Variants in RBFOX1 observed in about 807,000 individuals in gnomAD.
The protein encoded by RBFOX1 is RNA binding fox-1 homolog 1.
Under a neutral mutation model 57.7 loss-of-function variants are expected in RBFOX1, and 8 were observed. The observed-to-expected ratio is 0.14, with a 90% CI of 0.08 to 0.25. The LOEUF is 0.25. RBFOX1 is among the 10% of genes least tolerant of loss of function. RBFOX1 has a pLI of 1.00. For synonymous variants in RBFOX1, 326 were observed against 222.4 expected (o/e 1.47, Z -4.15); for missense variants, 611 against 548.5 (o/e 1.11, Z -1.14).
At chr16:6,869,721 C>A (rs1290560330) in intron 3 of RBFOX1, among the ~76,000 whole-genome samples, 1 of 152,154 alleles carries the variant, frequency 6.6e-6, no homozygotes, top group Non-Finnish European at 1.5e-5. Flanking sequence ...CCATGTGACT[C>A]TAGAGAACCG....
At chr16:7,265,974 T>TG (rs1327976976) in intron 4 of RBFOX1, among the ~76,000 whole-genome samples, 10 of 136,790 alleles carry the variant, frequency 7.3e-5, no homozygotes, top group Admixed American at 2.2e-4. Flanking sequence ...GTTTTTTTTT[T>TG]TTTTTTTTTT....
At chr16:5,855,143 T>C (rs1190803325) in intron 3 of RBFOX1, among the ~76,000 whole-genome samples, 4 of 152,204 alleles carry the variant, frequency 2.6e-5, no homozygotes, top group Non-Finnish European at 5.9e-5. Context: ...ATTAGATATA[T>C]AGTTTAGAAG....
intron 9 of RBFOX1, among the ~76,000 whole-genome samples, chr16:7,606,832 G>A (rs1426032331): frequency 2.0e-5 from 3 of 152,116 alleles, no homozygotes; most frequent in African/African-American, 7.2e-5. Context: ...GTATCTCGAG[G>A]TTATAATTTG....
chr16:5,462,883 G>A (rs1168941663), intron 1 of RBFOX1, among the ~76,000 whole-genome samples: 3 of 152,076 alleles, frequency 2.0e-5, no homozygotes, highest in African/African-American at 7.2e-5. Flanking sequence ...CGAGCCCCAC[G>A]ACAAAGAATA....
chr16:6,584,168 C>A (rs1294301915), intron 2 of RBFOX1, among the ~76,000 whole-genome samples: 2 of 151,748 alleles, frequency 1.3e-5, no homozygotes, highest in Non-Finnish European at 2.9e-5. Flanking sequence ...ATTGTCCCTG[C>A]TGTAATTACA....
chr16:6,757,664 T>C (rs748489447), intron 3 of RBFOX1, among the ~76,000 whole-genome samples: 210 of 152,164 alleles, frequency 1.4e-3, no homozygotes, highest in Middle Eastern at 3.4e-3. Flanking sequence ...GAAGGTGGGA[T>C]GAGGGGAGGC....
chr16:6,123,285 A>T (rs1178494529), intron 1 of RBFOX1, among the ~76,000 whole-genome samples: 1 of 152,252 alleles, frequency 6.6e-6, no homozygotes, highest in Non-Finnish European at 1.5e-5. Flanking sequence ...AATAAATAAG[A>T]TGTGGTACAT....
intron 2 of RBFOX1, among the ~76,000 whole-genome samples, chr16:5,471,318 G>C (rs2069126459): frequency 6.6e-6 from 1 of 152,198 alleles, no homozygotes; most frequent in Non-Finnish European, 1.5e-5. Flanking sequence ...AAAAACAGGT[G>C]ATCTAGTCTC....
intron 1 of RBFOX1, among the ~76,000 whole-genome samples, chr16:6,087,378 G>T (rs901740911): frequency 6.6e-6 from 1 of 152,020 alleles, no homozygotes; most frequent in African/African-American, 2.4e-5. Context: ...ATATGTATAT[G>T]TATCTACAGA....
At chr16:6,754,247 T>C (rs2075421555) in intron 3 of RBFOX1, among the ~76,000 whole-genome samples, 2 of 152,284 alleles carry the variant, frequency 1.3e-5, no homozygotes, top group East Asian at 1.9e-4. Context: ...GTTCACCTGC[T>C]TTATTCAGAT....
intron 2 of RBFOX1, among the ~76,000 whole-genome samples, chr16:6,437,963 T>A (rs2094282362): frequency 6.6e-6 from 1 of 152,092 alleles, no homozygotes. Flanking sequence ...ATGAGGCTCT[T>A]CTGATGGGAC....
chr16:6,649,482 G>A (rs532158946), intron 2 of RBFOX1, among the ~76,000 whole-genome samples: 25 of 152,230 alleles, frequency 1.6e-4, no homozygotes, highest in African/African-American at 3.1e-4. Flanking sequence ...AGTGTACACC[G>A]TACCCAACGT....
intron 4 of RBFOX1, among the ~76,000 whole-genome samples, chr16:7,313,398 G>A (rs4786998): frequency 0.76 from 114,601 of 151,446 alleles, 43,480 homozygotes; most frequent in East Asian, 0.94. Flanking sequence ...TCCATTTAGA[G>A]TACGTGACTC....
intron 4 of RBFOX1, among the ~76,000 whole-genome samples, chr16:7,371,802 A>G (rs1465157657): frequency 6.6e-6 from 1 of 152,236 alleles, no homozygotes; most frequent in Non-Finnish European, 1.5e-5. Context: ...GTGCATACAG[A>G]TATATGTTGT....
chr16:6,449,586 C>T (rs2153041731), intron 2 of RBFOX1, among the ~76,000 whole-genome samples: 1 of 152,300 alleles, frequency 6.6e-6, no homozygotes, highest in East Asian at 1.9e-4. Flanking sequence ...CACACAGAGC[C>T]TTATGATGGG....
At chr16:5,395,016 G>T (rs2066511627) in intron 1 of RBFOX1, among the ~76,000 whole-genome samples, 1 of 152,178 alleles carries the variant, frequency 6.6e-6, no homozygotes, top group South Asian at 2.1e-4. Context: ...GTTGCTCGGA[G>T]TCCCACATTT....
intron 4 of RBFOX1, among the ~76,000 whole-genome samples, chr16:7,479,140 T>G (rs2063356997): frequency 6.6e-6 from 1 of 151,800 alleles, no homozygotes; most frequent in African/African-American, 2.4e-5. Context: ...ATTTTAATTT[T>G]AGGGACAGGG....
intron 3 of RBFOX1, among the ~76,000 whole-genome samples, chr16:6,994,698 G>A (rs969011416): frequency 6.6e-6 from 1 of 152,178 alleles, no homozygotes; most frequent in Non-Finnish European, 1.5e-5. Context: ...GATCCTGGTT[G>A]TATTCTGAAA....
At chr16:6,314,328 C>T (rs1200318143) in intron 1 of RBFOX1, among the ~76,000 whole-genome samples, 1 of 152,174 alleles carries the variant, frequency 6.6e-6, no homozygotes, top group East Asian at 1.9e-4. Flanking sequence ...AAATTCACAG[C>T]CTGGGTAGGC....
Sources: gnomAD v4.1 joint callset for allele counts (sites outside exome capture counted in the v4.1 genomes callset) on GRCh38, gnomAD v4.1.1 for gene constraint, MANE v1.5 for transcripts, NCBI Gene and HGNC (gene_info 2026-07-23, HGNC 2026-07-21) for gene names.